Variants in CECR2 observed in about 807,000 individuals in gnomAD.
CECR2 encodes chromatin remodeling regulator CECR2.
In CECR2, 30 loss-of-function variants were observed where a neutral mutation model predicts 154.5. The observed-to-expected ratio is 0.19, with a 90% CI of 0.15 to 0.26. CECR2 has a LOEUF of 0.26. CECR2 is among the 10% of genes least tolerant of loss of function. CECR2 has a pLI of 1.00. For synonymous variants in CECR2, 725 were observed against 683.7 expected (o/e 1.06, Z -0.94); for missense variants, 1,743 against 1,829.3 (o/e 0.95, Z 0.86).
At chr22:17,375,076 A>G (rs2063101771) in intron 1 of CECR2, among the ~76,000 whole-genome samples, 1 of 152,116 alleles carries the variant, frequency 6.6e-6, no homozygotes, top group South Asian at 2.1e-4. Context: ...AACTAAGTGC[A>G]AAGGGACAAA....
At chr22:17,538,416 A>G (rs2056469970) in intron 10 of CECR2, 104 bp from the exon 11 acceptor site, 1 of 992,390 alleles carries the variant, frequency 1.0e-6, no homozygotes, top group South Asian at 1.3e-5. Flanking sequence ...TATTAGGACT[A>G]TTCCAAATCT....
At chr22:17,518,233 C>T (rs2056094333) in intron 8 of CECR2, among the ~76,000 whole-genome samples, 1 of 152,170 alleles carries the variant, frequency 6.6e-6, no homozygotes, top group Non-Finnish European at 1.5e-5. Context: ...TTAGGCGACG[C>T]TTTGCATACG....
Position 17,404,368 on chromosome 22 carries a change from CTTTTTTTTTTTT to C in CECR2, c.126+34471_126+34482del, listed in dbSNP as rs1161498081. ...GGTTCATTTCTGGACCCTGTTCTTT[CTTTTTTTTTTTT>C]TTTTTTTTTTTGAGACGGAGTCTCG... On this transcript the variant is annotated intron_variant, in intron 1 of 18. Coordinates refer to ENST00000262608, the MANE Select transcript of CECR2 (RefSeq NM_001290047.2). Among the ~76,000 whole-genome samples, 25 of 28,718 alleles carry C rather than the reference CTTTTTTTTTTTT, an allele frequency of 8.7e-4. 5 individuals are homozygous for C. Among genetic ancestry groups the C allele is most frequent in the Non-Finnish European group, 1.6e-3 (25 of 16,010 alleles). The allele number at this position is 28,718 out of a possible 152,430, so 18.8% of individuals were successfully genotyped here. A position where few individuals can be genotyped will look rare whatever the true frequency, so the allele number is the denominator to read the frequency against.
intron 1 of CECR2, among the ~76,000 whole-genome samples, chr22:17,388,725 A>T (rs1057158891): frequency 5.3e-5 from 8 of 152,182 alleles, no homozygotes; most frequent in Non-Finnish European, 8.8e-5. Context: ...TACTTACAAA[A>T]TATGTTAATA....
chr22:17,499,560 C>A lies in CECR2; in HGVS notation c.545+11C>A. ...ACTCTCTTTGAGCAGGTATGTTCTT[C>A]AGTGTTAGGGCATGATAGCTACTGT... On this transcript the variant is annotated intron_variant, in intron 4 of 18. Transcript: ENST00000262608. 1 of 1,599,894 alleles carries A rather than the reference C, an allele frequency of 6.3e-7. No individual in the cohort carries two copies. Among genetic ancestry groups the A allele is most frequent in the Admixed American group, 1.8e-5 (1 of 56,954 alleles).
chr22:17,361,462 G>T (rs2062977136), intron 1 of CECR2, among the ~76,000 whole-genome samples: 1 of 151,330 alleles, frequency 6.6e-6, no homozygotes, highest in Non-Finnish European at 1.5e-5. Context: ...ACGACAGAGT[G>T]AGAGTCCATC....
intron 1 of CECR2, among the ~76,000 whole-genome samples, chr22:17,438,035 T>C (rs965092389): frequency 2.6e-5 from 4 of 152,240 alleles, no homozygotes; most frequent in African/African-American, 9.6e-5. Flanking sequence ...TATTTTATTA[T>C]GAAAACTTCC....
chr22:17,373,213 C>G (rs2063081034), intron 1 of CECR2, among the ~76,000 whole-genome samples: 1 of 152,104 alleles, frequency 6.6e-6, no homozygotes, highest in South Asian at 2.1e-4. Flanking sequence ...CAGGCATGTA[C>G]CAGCACACCC....
chr22:17,371,011 CTT>C (rs1006195312), intron 1 of CECR2, among the ~76,000 whole-genome samples: 1 of 152,172 alleles, frequency 6.6e-6, no homozygotes, highest in Non-Finnish European at 1.5e-5. Context: ...TAGAGCCACT[CTT>C]TTGGAAGAGC....
chr22:17,421,166 C>T (rs2054240605), intron 1 of CECR2, among the ~76,000 whole-genome samples: 1 of 151,978 alleles, frequency 6.6e-6, no homozygotes, highest in Non-Finnish European at 1.5e-5. Flanking sequence ...AGTTTTTGAC[C>T]TGTATCATTT....
intron 8 of CECR2, among the ~76,000 whole-genome samples, chr22:17,517,015 A>T (rs972679911): frequency 6.6e-6 from 1 of 151,624 alleles, no homozygotes; most frequent in African/African-American, 2.4e-5. Flanking sequence ...AGTAGCTGGG[A>T]TTATAGGCGC....
intron 1 of CECR2, among the ~76,000 whole-genome samples, chr22:17,449,711 G>A (rs1400012533): frequency 6.6e-6 from 1 of 151,716 alleles, no homozygotes; most frequent in Non-Finnish European, 1.5e-5. Flanking sequence ...GGATGGTCTC[G>A]ATCTCCTGAC....
In CECR2 at chr22:17,507,868, G is replaced by A. The variant is rs538188415; in HGVS notation, c.870+2852G>A. ...AGTATAGTAAGAAAAATCTAAATTG[G>A]GAAGTAGAAAATCTTAGCAGACTAA... On this transcript the variant is annotated intron_variant, in intron 7 of 18. Transcript: ENST00000262608. 1.6e-3 allele frequency among the ~76,000 whole-genome samples: 249 copies of A among 152,200 alleles called. 1 individual carries two copies. Among genetic ancestry groups the A allele is most frequent in the Middle Eastern group, 3.4e-3 (1 of 294 alleles).
chr22:17,546,578 C>G (rs1226279141), intron 16 of CECR2, among the ~76,000 whole-genome samples: 1 of 150,874 alleles, frequency 6.6e-6, no homozygotes, highest in Non-Finnish European at 1.5e-5. Context: ...TTTTCACTTT[C>G]ATTGTGTAAT....
intron 1 of CECR2, among the ~76,000 whole-genome samples, chr22:17,384,355 A>G (rs2063235367): frequency 6.6e-6 from 1 of 152,208 alleles, no homozygotes; most frequent in Non-Finnish European, 1.5e-5. Context: ...AAGTGTTAGG[A>G]TTACAGGTGT....
At chr22:17,511,380 C>T (rs1277096950) in intron 7 of CECR2, among the ~76,000 whole-genome samples, 2 of 152,186 alleles carry the variant, frequency 1.3e-5, no homozygotes, top group African/African-American at 4.8e-5. Flanking sequence ...TGGGCAACTG[C>T]TCTCACTTCT....
intron 2 of CECR2, among the ~76,000 whole-genome samples, chr22:17,483,883 G>A (rs2146820908): frequency 6.6e-6 from 1 of 152,308 alleles, no homozygotes; most frequent in South Asian, 2.1e-4. Flanking sequence ...CTCATGACAA[G>A]TGCTTTATAC....
At chr22:17,481,501 A>G (rs566384898) in intron 2 of CECR2, among the ~76,000 whole-genome samples, 1 of 152,302 alleles carries the variant, frequency 6.6e-6, no homozygotes, top group African/African-American at 2.4e-5. Flanking sequence ...TAGTTCCTCC[A>G]AAGGCTCAGC....
At chr22:17,510,753 C>T (rs958732328) in intron 7 of CECR2, among the ~76,000 whole-genome samples, 7 of 152,162 alleles carry the variant, frequency 4.6e-5, no homozygotes, top group African/African-American at 1.7e-4. Flanking sequence ...AGGCACGCAC[C>T]ACCATGCCTG....
Sources: gnomAD v4.1 joint callset for allele counts (sites outside exome capture counted in the v4.1 genomes callset) on GRCh38, gnomAD v4.1.1 for gene constraint, MANE v1.5 for transcripts, NCBI Gene and HGNC (gene_info 2026-07-23, HGNC 2026-07-21) for gene names.